NUMB: variants seen among roughly 807,000 people sequenced by gnomAD.
NUMB encodes the protein NUMB endocytic adaptor protein, also known as protein numb homolog.
Under a neutral mutation model 59.7 loss-of-function variants are expected in NUMB, and 29 were observed. The observed-to-expected ratio is 0.49, with a 90% CI of 0.36 to 0.66. The LOEUF (loss-of-function observed/expected upper bound fraction) is 0.66. NUMB is among the 30% of genes least tolerant of loss of function. The probability of loss-of-function intolerance (pLI) is 0.00; values close to 1 mark genes in which losing one functional copy is unlikely to be tolerated. For missense variants in NUMB, 723 were observed against 822.0 expected, an observed-to-expected ratio of 0.88 and a Z score of 1.47; for synonymous variants, 288 against 288.2, an observed-to-expected ratio of 1.00 and a Z score of 0.01.
intron 9 of NUMB, among the ~76,000 whole-genome samples, chr14:73,285,718 G>A (rs1888946039): frequency 6.6e-6 from 1 of 151,966 alleles, no homozygotes. Context: ...CTGAGGTCAG[G>A]AGTTCAAGAC....
At chr14:73,297,319 T>C (rs1889847720) in intron 6 of NUMB, 34 bp from the exon 7 acceptor site, 1 of 1,203,470 alleles carries the variant, frequency 8.3e-7, no homozygotes, top group East Asian at 2.3e-5. Context: ...GAGGGGGAGA[T>C]ACACATATAT....
intron 6 of NUMB, among the ~76,000 whole-genome samples, chr14:73,299,623 A>ATATATGATATGACATATATATGTCATATC (rs1236571176): frequency 8.6e-5 from 13 of 151,142 alleles, no homozygotes; most frequent in Admixed American, 4.6e-4. Flanking sequence ...TATGTCATAT[A>ATATATGATATGACATATATATGTCATATC]ATATGACATA....
In NUMB at chr14:73,275,329, G is replaced by GCTCT. The variant is rs1888082478; in HGVS notation, c.*1245_*1248dup. Reference sequence around the variant, plus strand: ...ACGTTCAAAAGTAAAAATGAGATGAGCTCTCTTATTGTTATCCGAGGTCAA... The same window carrying GCTCT: ...ACGTTCAAAAGTAAAAATGAGATGAGCTCTCTCTCTTATTGTTATCCGAGGTCAA... On this transcript the variant is annotated 3_prime_UTR_variant, in exon 13 of 13. Coordinates refer to ENST00000555238, the MANE Select transcript of NUMB (RefSeq NM_001005743.2). The GCTCT allele has an allele frequency of 6.6e-6, 1 of 152,462 alleles. No individual in the cohort carries two copies. Among genetic ancestry groups the GCTCT allele is most frequent in the African/African-American group, 2.4e-5 (1 of 41,394 alleles). 9.4% of individuals were successfully genotyped at this position (152,462 alleles called of 1,614,324 possible).
At chr14:73,345,919 C>A (rs1594930750) in intron 4 of NUMB, among the ~76,000 whole-genome samples, 1 of 151,286 alleles carries the variant, frequency 6.6e-6, no homozygotes, top group Non-Finnish European at 1.5e-5. Flanking sequence ...AAAAAAAAAC[C>A]AAAAAAACAA....
chr14:73,418,671 T>C (rs971026934), intron 1 of NUMB, among the ~76,000 whole-genome samples: 9 of 151,960 alleles, frequency 5.9e-5, no homozygotes, highest in African/African-American at 2.2e-4. Flanking sequence ...CTCAGGAGGC[T>C]GAGACAAGAG....
At chr14:73,402,888 A>G (rs540553023) in intron 2 of NUMB, among the ~76,000 whole-genome samples, 9 of 152,366 alleles carry the variant, frequency 5.9e-5, no homozygotes, top group African/African-American at 2.2e-4. Context: ...ATTATGTAAT[A>G]ATAAAGCACC....
intron 11 of NUMB, among the ~76,000 whole-genome samples, chr14:73,281,991 C>G (rs1352171170): frequency 6.6e-6 from 1 of 152,184 alleles, no homozygotes; most frequent in Non-Finnish European, 1.5e-5. Flanking sequence ...TTGAGAACCA[C>G]TACACTAAAG....
At position 73,335,302 on chromosome 14, in the gene NUMB, CAAAAAAA is replaced by C. The variant is rs10556271; in HGVS notation, c.127-12105_127-12099del. On this transcript the variant is annotated intron_variant, in intron 4 of 12. Transcript: ENST00000555238. ...TAGCTATTTATGCCAGCCAAAAAGACAAAAAAAAAAAAAAAAAAAAAGGAAGACTTGG... is the reference window on the plus strand; with the variant it reads ...TAGCTATTTATGCCAGCCAAAAAGACAAAAAAAAAAAAAAGGAAGACTTGG... Among the ~76,000 whole-genome samples, 4 of 100,218 alleles carry C rather than the reference CAAAAAAA, an allele frequency of 4.0e-5. No homozygotes were observed. In the South Asian group the frequency reaches 1.3e-3, roughly 32 times the overall value. The allele number at this position is 100,218 out of a possible 152,430, so 65.7% of individuals were successfully genotyped here.
intron 6 of NUMB, among the ~76,000 whole-genome samples, chr14:73,310,277 A>G (rs1890706665): frequency 6.6e-6 from 1 of 152,236 alleles, no homozygotes; most frequent in Admixed American, 6.5e-5. Context: ...GTTGCCACAC[A>G]GAAAGCATAT....
intron 12 of NUMB, among the ~76,000 whole-genome samples, chr14:73,279,052 G>C (rs568037001): frequency 6.6e-6 from 1 of 152,102 alleles, no homozygotes; most frequent in Non-Finnish European, 1.5e-5. Flanking sequence ...AAGCTCTATG[G>C]GTGGGGCTCT....
chr14:73,452,517 G>A (rs149668052), intron 1 of NUMB, among the ~76,000 whole-genome samples: 85 of 152,172 alleles, frequency 5.6e-4, no homozygotes, highest in African/African-American at 7.7e-4. Context: ...GCAAGACACC[G>A]TCTCAAAAAA....
intron 1 of NUMB, among the ~76,000 whole-genome samples, chr14:73,443,188 A>C (rs940992418): frequency 6.6e-6 from 1 of 152,240 alleles, no homozygotes; most frequent in African/African-American, 2.4e-5. Flanking sequence ...AAATACGTGC[A>C]GTTTCACCGT....
chr14:73,455,764 T>C (rs1339912706), intron 1 of NUMB, among the ~76,000 whole-genome samples: 1 of 152,238 alleles, frequency 6.6e-6, no homozygotes, highest in Non-Finnish European at 1.5e-5. Flanking sequence ...TACTTTGTTT[T>C]TGCTTATTTT....
intron 2 of NUMB, among the ~76,000 whole-genome samples, chr14:73,386,854 T>A (rs1309584833): frequency 2.8e-5 from 4 of 143,638 alleles, no homozygotes; most frequent in African/African-American, 1.0e-4. Flanking sequence ...CAAGACAATC[T>A]ATCAGGTGTC....
intron 1 of NUMB, among the ~76,000 whole-genome samples, chr14:73,435,410 AC>A (rs1403043962): frequency 6.6e-6 from 1 of 151,218 alleles, no homozygotes; most frequent in African/African-American, 2.4e-5. Flanking sequence ...AGTAGCTGGG[AC>A]TACAGGCGCC....
intron 1 of NUMB, among the ~76,000 whole-genome samples, chr14:73,453,980 A>C (rs573548756): frequency 6.6e-6 from 1 of 151,616 alleles, no homozygotes; most frequent in South Asian, 2.1e-4. Flanking sequence ...TAGCAAAAAA[A>C]TTTTTTTTTA....
intron 4 of NUMB, 42 bp from the exon 5 acceptor site, chr14:73,323,246 C>G (rs1035281191): frequency 7.6e-7 from 1 of 1,320,844 alleles, no homozygotes; most frequent in Non-Finnish European, 1.1e-6. Flanking sequence ...CTATGTTTAC[C>G]AAGTAGCTAC....
intron 2 of NUMB, among the ~76,000 whole-genome samples, chr14:73,392,795 G>A (rs1895916012): frequency 6.6e-6 from 1 of 151,378 alleles, no homozygotes; most frequent in Admixed American, 6.6e-5. Flanking sequence ...CCAGATTTAG[G>A]AACCATCTAC....
intron 7 of NUMB, among the ~76,000 whole-genome samples, chr14:73,294,788 G>C (rs1386728725): frequency 4.2e-5 from 2 of 47,758 alleles, no homozygotes; most frequent in South Asian, 7.7e-4. Context: ...CAAAGTGCTG[G>C]GATTACAGGT....
Sources: allele counts gnomAD v4.1 joint callset (sites outside exome capture counted in the v4.1 genomes callset), GRCh38; gene constraint gnomAD v4.1.1; transcripts MANE v1.5; gene names NCBI Gene and HGNC (gene_info 2026-07-23, HGNC 2026-07-21).